Variants in ADIPOR1 observed in about 807,000 individuals in gnomAD.
The protein encoded by ADIPOR1 is adiponectin receptor 1.
A neutral mutation model predicts 37.5 loss-of-function variants in ADIPOR1; 15 were observed. That is an observed-to-expected ratio of 0.40 (90% CI 0.27 to 0.62). The LOEUF (loss-of-function observed/expected upper bound fraction) is 0.62. ADIPOR1 is among the 20% of genes least tolerant of loss of function. The pLI is 0.42. For synonymous variants in ADIPOR1, 173 were observed against 173.2 expected (o/e 1.00, Z 0.01); for missense variants, 286 against 478.0 (o/e 0.60, Z 3.75).
intron 6 of ADIPOR1, among the ~76,000 whole-genome samples, chr1:202,942,638 A>C (rs1250329623): frequency 6.6e-6 from 1 of 152,162 alleles, no homozygotes; most frequent in African/African-American, 2.4e-5. Flanking sequence ...TGACCTCCTG[A>C]GTAGACAGAT....
intron 2 of ADIPOR1, among the ~76,000 whole-genome samples, chr1:202,949,222 G>A (rs1352261175): frequency 6.6e-6 from 1 of 152,058 alleles, no homozygotes; most frequent in Non-Finnish European, 1.5e-5. Flanking sequence ...GCAGCTCCCA[G>A]GAGTACCAGG....
At chr1:202,954,927 C>T (rs541582710) in intron 1 of ADIPOR1, among the ~76,000 whole-genome samples, 74 of 152,270 alleles carry the variant, frequency 4.9e-4, no homozygotes, top group Non-Finnish European at 1.0e-3. Context: ...AGTTTAGTTC[C>T]TGGGCCTTTA....
In ADIPOR1 at chr1:202,941,536, T is replaced by C; in HGVS notation, c.*37A>G. Reference sequence around the variant, plus strand: ...GCAAAGAAGTTATTTTTAAAAGCACTTGGGAAGTTCCTCCTCCACCCCGCA... The same window carrying C: ...GCAAAGAAGTTATTTTTAAAAGCACCTGGGAAGTTCCTCCTCCACCCCGCA... On this transcript the variant is annotated 3_prime_UTR_variant, in exon 8 of 8. Coordinates refer to ENST00000340990, the MANE Select transcript of ADIPOR1 (RefSeq NM_015999.6). The C allele has an allele frequency of 6.3e-7, 1 of 1,582,758 alleles. No homozygotes were observed. Among genetic ancestry groups the C allele is most frequent in the African/African-American group, 1.4e-5 (1 of 72,950 alleles).
chr1:202,950,904 G>GGAT (rs1477941160), intron 2 of ADIPOR1, 26 bp downstream of exon 2: 1 of 1,613,838 alleles, frequency 6.2e-7, no homozygotes, highest in East Asian at 2.2e-5. Context: ...CTGAACAAGG[G>GGAT]GATGACTCCT....
chr1:202,954,577 A>G (rs1179183090), intron 1 of ADIPOR1, among the ~76,000 whole-genome samples: 1 of 152,110 alleles, frequency 6.6e-6, no homozygotes, highest in Non-Finnish European at 1.5e-5. Flanking sequence ...AGCTTGCCAC[A>G]CCCAATACTG....
intron 2 of ADIPOR1, among the ~76,000 whole-genome samples, chr1:202,949,258 C>T (rs1654459789): frequency 6.6e-6 from 1 of 152,058 alleles, no homozygotes; most frequent in South Asian, 2.1e-4. Context: ...CCATGGAAAA[C>T]AGCGGTACTG....
At chr1:202,955,547 A>T (rs922900102) in intron 1 of ADIPOR1, among the ~76,000 whole-genome samples, 1 of 151,894 alleles carries the variant, frequency 6.6e-6, no homozygotes, top group Non-Finnish European at 1.5e-5. Context: ...ATGACAAAAA[A>T]AAAAGTGAAC....
At position 202,949,037 on chromosome 1, in the gene ADIPOR1, T is replaced by C. The variant is rs189160976; in HGVS notation, c.142-617A>G. The stretch of plus-strand genomic sequence containing the variant: ...ATCTCCTGACCTCACGTGATCCTCC[T>C]GCCTCGGCCTCCCAAAGTGCTGGGA... On this transcript the variant is annotated intron_variant, in intron 2 of 7. Transcript: ENST00000340990. 4.2e-3 allele frequency among the ~76,000 whole-genome samples: 641 copies of C among 151,824 alleles called. 3 individuals are homozygous for C. The highest frequency in any genetic ancestry group is 4.0e-3 in the Non-Finnish European group (270 of 67,922).
intron 3 of ADIPOR1, among the ~76,000 whole-genome samples, chr1:202,946,861 T>TCTTAG (rs892720550): frequency 6.6e-6 from 1 of 150,418 alleles, no homozygotes; most frequent in African/African-American, 2.4e-5. Context: ...ATGCCTGTAA[T>TCTTAG]CTTAGCACTT....
intron 1 of ADIPOR1, among the ~76,000 whole-genome samples, chr1:202,956,964 C>A (rs1316801295): frequency 6.6e-6 from 1 of 152,108 alleles, no homozygotes; most frequent in Non-Finnish European, 1.5e-5. Context: ...TATAGTTTTG[C>A]GGAGGTCTAC....
chr1:202,947,178 G>A (rs1403244627), intron 3 of ADIPOR1, among the ~76,000 whole-genome samples: 1 of 152,130 alleles, frequency 6.6e-6, no homozygotes, highest in Non-Finnish European at 1.5e-5. Flanking sequence ...TTTCATGTTA[G>A]TTTATCTGGA....
intron 1 of ADIPOR1, among the ~76,000 whole-genome samples, chr1:202,951,610 G>A (rs1413912653): frequency 6.6e-6 from 1 of 152,168 alleles, no homozygotes; most frequent in African/African-American, 2.4e-5. Context: ...GATCATCCAG[G>A]CTTAGAAATG....
chr1:202,955,813 T>C (rs1275933896), intron 1 of ADIPOR1, among the ~76,000 whole-genome samples: 1 of 152,206 alleles, frequency 6.6e-6, no homozygotes, highest in Non-Finnish European at 1.5e-5. Flanking sequence ...GGCCTTGCTC[T>C]ATCCCCCAGG....
rs1306995995 is a variant in ADIPOR1 at position 202,951,094 on chromosome 1, C to A, written c.-24G>T. On this transcript the variant is annotated 5_prime_UTR_variant, in exon 2 of 8. Transcript: ENST00000340990. ...ATCTGGCTGGTACCTCAATACCCTG[C>A]AGCTTCAGCTTGGGGAAAGGTTGGG... 8 of 1,613,052 alleles carry A rather than the reference C, an allele frequency of 5.0e-6. No individual in the cohort carries two copies. The highest frequency in any genetic ancestry group is 6.8e-6 in the Non-Finnish European group (8 of 1,179,108).
At chr1:202,943,706 T>A (rs978390686) in intron 6 of ADIPOR1, 52 bp downstream of exon 6, 3 of 1,563,872 alleles carry the variant, frequency 1.9e-6, no homozygotes, top group Non-Finnish European at 2.6e-6. Context: ...TTTGAGCCTA[T>A]CAGGCCTAAG....
intron 1 of ADIPOR1, among the ~76,000 whole-genome samples, chr1:202,957,592 C>T (rs1003187302): frequency 6.6e-6 from 1 of 152,124 alleles, no homozygotes; most frequent in African/African-American, 2.4e-5. Flanking sequence ...CCCCAAAGTA[C>T]CTTCGATTCT....
intron 1 of ADIPOR1, among the ~76,000 whole-genome samples, chr1:202,953,273 C>T (rs1484865617): frequency 2.0e-5 from 3 of 150,036 alleles, no homozygotes; most frequent in Non-Finnish European, 4.4e-5. Flanking sequence ...CTTTATATCA[C>T]AAGCAAAAAA....
intron 1 of ADIPOR1, among the ~76,000 whole-genome samples, chr1:202,953,539 C>T (rs142979108): frequency 6.6e-6 from 1 of 152,322 alleles, no homozygotes; most frequent in East Asian, 1.9e-4. Context: ...GACTTAGCTT[C>T]TAGCCACTTA....
chr1:202,952,210 A>G (rs1654604626), intron 1 of ADIPOR1, among the ~76,000 whole-genome samples: 1 of 152,212 alleles, frequency 6.6e-6, no homozygotes, highest in African/African-American at 2.4e-5. Context: ...TATTAGTTAT[A>G]GCAATAGCAG....
Sources: allele counts gnomAD v4.1 joint callset (sites outside exome capture counted in the v4.1 genomes callset), GRCh38; gene constraint gnomAD v4.1.1; transcripts MANE v1.5; gene names NCBI Gene and HGNC (gene_info 2026-07-23, HGNC 2026-07-21).